Variants in NIPSNAP3B observed in about 807,000 individuals in gnomAD.
NIPSNAP3B encodes the protein protein NipSnap homolog 3B.
A neutral mutation model predicts 31.5 loss-of-function variants in NIPSNAP3B; 30 were observed. The ratio of observed to expected loss-of-function variants is 0.95; its 90% CI spans 0.71 to 1.29. The LOEUF (loss-of-function observed/expected upper bound fraction) is 1.29, where lower values mean the gene tolerates loss of function less well. Ranked by LOEUF, NIPSNAP3B falls within the 50% of genes most tolerant of loss-of-function variation. The pLI, the probability that NIPSNAP3B is intolerant of heterozygous loss-of-function variation, is 0.00. For synonymous variants in NIPSNAP3B, 106 were observed against 107.9 expected (o/e 0.98, Z 0.11); for missense variants, 269 against 300.7 (o/e 0.89, Z 0.78).
At chr9:104,781,015 A>G (rs1828514395), downstream of NIPSNAP3B, 1 of 152,630 alleles carries the variant, frequency 6.6e-6, no homozygotes, top group African/African-American at 2.4e-5. Flanking sequence ...CTGTAGACCA[A>G]CAGAACTGTC....
At chr9:104,786,782 C>T in the NIPSNAP3B span, 3 of 1,213,818 alleles carry the variant, frequency 2.5e-6, no homozygotes, top group Non-Finnish European at 3.7e-6. Context: ...CTTTGCTTTT[C>T]TGTATTTTCT....
chr9:104,780,975 G>A (rs1828511126), downstream of NIPSNAP3B: 1 of 152,542 alleles, frequency 6.6e-6, no homozygotes, highest in African/African-American at 2.4e-5. Context: ...TCAACAGTAG[G>A]TGGTGCCACA....
the NIPSNAP3B span, chr9:104,785,612 T>C: frequency 1.2e-6 from 2 of 1,614,106 alleles, no homozygotes; most frequent in Non-Finnish European, 1.7e-6. Flanking sequence ...CTGCTATTCG[T>C]ACAACTATTG....
chr9:104,781,508 C>A (rs1037039151), downstream of NIPSNAP3B: 1 of 152,428 alleles, frequency 6.6e-6, no homozygotes, highest in Non-Finnish European at 1.5e-5. Flanking sequence ...ATATATACAA[C>A]CACAAGAAGA....
chr9:104,787,528 T>C, the NIPSNAP3B span, among the ~76,000 whole-genome samples: 1 of 152,204 alleles, frequency 6.6e-6, no homozygotes, highest in Non-Finnish European at 1.5e-5. Context: ...CCCAGTCTGA[T>C]CTGTTTTTCA....
downstream of NIPSNAP3B, among the ~76,000 whole-genome samples, chr9:104,779,129 T>C (rs1026813083): frequency 6.6e-6 from 1 of 152,198 alleles, no homozygotes. Context: ...CTGCTCTTTT[T>C]ATTCGATTCT....
At chr9:104,779,340 G>C (rs890431611), downstream of NIPSNAP3B, among the ~76,000 whole-genome samples, 2 of 152,148 alleles carry the variant, frequency 1.3e-5, no homozygotes, top group African/African-American at 2.4e-5. Context: ...CTAGTACCTA[G>C]AGAAGTATCT....
intron 4 of NIPSNAP3B, among the ~76,000 whole-genome samples, 188 bp from the exon 5 acceptor site, chr9:104,772,634 T>A (rs1220679950): frequency 1.1e-4 from 17 of 152,208 alleles, no homozygotes; most frequent in Admixed American, 1.0e-3. Context: ...CAGCCTTATG[T>A]TTCCAGTTTA....
At chr9:104,789,964 C>T in the NIPSNAP3B span, among the ~76,000 whole-genome samples, 4 of 152,020 alleles carry the variant, frequency 2.6e-5, no homozygotes, top group African/African-American at 4.8e-5. Flanking sequence ...GGCATTGTGG[C>T]GGGCACCTGT....
chr9:104,784,939 C>T, the NIPSNAP3B span, among the ~76,000 whole-genome samples: 34 of 152,130 alleles, frequency 2.2e-4, no homozygotes, highest in Admixed American at 1.3e-3. Flanking sequence ...CCACCACGCC[C>T]GGCCAAAAAC....
downstream of NIPSNAP3B, among the ~76,000 whole-genome samples, chr9:104,779,738 C>T (rs1828426073): frequency 6.6e-6 from 1 of 151,768 alleles, no homozygotes; most frequent in Admixed American, 6.6e-5. Context: ...AGTCAAGGCT[C>T]ATGGGTAGGG....
intron 3 of NIPSNAP3B, 109 bp from the exon 4 acceptor site, chr9:104,770,740 T>C (rs1056529462): frequency 6.0e-5 from 53 of 883,380 alleles, no homozygotes; most frequent in Non-Finnish European, 8.9e-5. Context: ...TATGTATACA[T>C]GGATTATCCT....
chr9:104,790,098 A>AAT, the NIPSNAP3B span, among the ~76,000 whole-genome samples: 98 of 149,216 alleles, frequency 6.6e-4, no homozygotes, highest in African/African-American at 2.2e-3. Context: ...CTCCGTCTCA[A>AAT]AAAAAAAAAA....
chr9:104,766,262 G>T (rs1353320152), intron 1 of NIPSNAP3B, 63 bp from the exon 2 acceptor site: 7 of 1,344,224 alleles, frequency 5.2e-6, no homozygotes, highest in South Asian at 1.2e-5. Flanking sequence ...ACTCAGATTT[G>T]GTTGTAACCA....
At position 104,766,414 on chromosome 9, in the gene NIPSNAP3B, T is replaced by A; in HGVS notation, c.150T>A (p.Asn50Lys). 6.2e-7 allele frequency: 1 copy of A among 1,613,790 alleles called. No homozygotes were observed. Among genetic ancestry groups the A allele is most frequent in the Non-Finnish European group, 8.5e-7 (1 of 1,179,736 alleles). Residue 50 changes from asparagine (N) to lysine (K), a missense_variant, in exon 2 of 6, where the codon AAT (asparagine) becomes AAA (lysine). Transcript: ENST00000374762. The part of the protein sequence containing the change: ...RTYYLKPSNM[N>K]AFMENLKKNI... ...ATTACCTTAAACCTTCAAATATGAA[T>A]GCGTTCATGGAAAATCTTAAGAAAA...
chr9:104,788,016 C>CT, the NIPSNAP3B span: 1 of 1,614,212 alleles, frequency 6.2e-7, no homozygotes, highest in Non-Finnish European at 8.5e-7. Flanking sequence ...TTTCTCCATA[C>CT]TTCACGAGGC....
chr9:104,790,838 T>A, the NIPSNAP3B span: 1 of 965,066 alleles, frequency 1.0e-6, no homozygotes, highest in Non-Finnish European at 1.7e-6. Context: ...AAAATACCAC[T>A]GTAATCAAAA....
downstream of NIPSNAP3B, among the ~76,000 whole-genome samples, chr9:104,778,080 ACT>A (rs764724646): frequency 6.6e-6 from 1 of 151,896 alleles, no homozygotes; most frequent in Non-Finnish European, 1.5e-5. Flanking sequence ...TTCAGATTTT[ACT>A]CTCTCTCACT....
At chr9:104,766,952 G>A (rs764127542) in intron 2 of NIPSNAP3B, among the ~76,000 whole-genome samples, 9 of 152,120 alleles carry the variant, frequency 5.9e-5, no homozygotes, top group Non-Finnish European at 7.4e-5. Context: ...TGTAACTAAT[G>A]TATATGGTAT....
Sources: allele counts gnomAD v4.1 joint callset (sites outside exome capture counted in the v4.1 genomes callset), GRCh38; gene constraint gnomAD v4.1.1; transcripts MANE v1.5; gene names NCBI Gene and HGNC (gene_info 2026-07-23, HGNC 2026-07-21).